EXTL1: variants seen among roughly 807,000 people sequenced by gnomAD.
EXTL1 encodes exostosin-like 1.
EXTL1 carries 43 observed loss-of-function variants against 64.6 expected under a neutral mutation model. The ratio of observed to expected loss-of-function variants is 0.67; its 90% CI spans 0.52 to 0.86. The LOEUF (loss-of-function observed/expected upper bound fraction) is 0.86, where lower values mean the gene tolerates loss of function less well. Ranked by LOEUF, EXTL1 falls within the 40% of genes least tolerant of loss-of-function variation. The probability of loss-of-function intolerance (pLI) is 0.00; values close to 1 mark genes in which losing one functional copy is unlikely to be tolerated. For missense variants in EXTL1, 766 were observed against 879.0 expected (o/e 0.87, Z 1.62); for synonymous variants, 352 against 360.5 (o/e 0.98, Z 0.27).
chr1:26,023,192 G>A lies in EXTL1; in HGVS notation c.546G>A (p.Glu182=). Reference sequence around the variant, plus strand: ...AGCTGGGACAGGCTATGGTGGCTGAGGCCAGCCCCACGGTGGACTCCTTCC... The same window carrying A: ...AGCTGGGACAGGCTATGGTGGCTGAAGCCAGCCCCACGGTGGACTCCTTCC... ...TFQLGQAMVA[E]ASPTVDSFRP... The change falls in exon 1 of 11, where the codon GAG becomes GAA. Residue 182 remains glutamate (E), a synonymous_variant. Coordinates refer to ENST00000374280, the MANE Select transcript of EXTL1 (RefSeq NM_004455.3). 1.2e-6 allele frequency: 2 copies of A among 1,613,644 alleles called. No individual in the cohort carries two copies. Among genetic ancestry groups the A allele is most frequent in the Non-Finnish European group, 1.7e-6 (2 of 1,179,828 alleles).
At chr1:26,032,328 C>A in intron 6 of EXTL1, 68 bp from the exon 7 acceptor site, 2 of 1,039,000 alleles carry the variant, frequency 1.9e-6, no homozygotes, top group Non-Finnish European at 2.9e-6. Flanking sequence ...AGAAAGATCA[C>A]TCCTGCCCCT....
chr1:26,034,503 A>G lies in EXTL1; in HGVS notation c.1680-333A>G, dbSNP rs549210758. On this transcript the variant is annotated intron_variant, in intron 9 of 10. Transcript: ENST00000374280. The surrounding 1 kb of genome is among the most constrained non-coding windows in gnomAD (Gnocchi z 4.6). ...GCGGTATCAGCCTGGTTCATCCACA[A>G]CTGTTCTTTGGGCTTCCATGTTTGA... Among the ~76,000 whole-genome samples the G allele has an allele frequency of 5.9e-5, 9 of 152,286 alleles. No homozygotes were observed. Among genetic ancestry groups the G allele is most frequent in the African/African-American group, 9.6e-5 (4 of 41,570 alleles).
intron 7 of EXTL1, 121 bp downstream of exon 7, chr1:26,032,606 G>A (rs937903284): frequency 9.0e-6 from 6 of 666,332 alleles, no homozygotes; most frequent in Non-Finnish European, 1.5e-5. Context: ...GAATGACACA[G>A]TAGGTTTCAG....
At position 26,033,559 on chromosome 1, in the gene EXTL1, T is replaced by C; in HGVS notation, c.1519-137T>C. The C allele has an allele frequency of 1.1e-6, 1 of 891,932 alleles. No individual in the cohort carries two copies. Among genetic ancestry groups the C allele is most frequent in the Non-Finnish European group, 1.8e-6 (1 of 563,214 alleles). The allele number at this position is 891,932 out of a possible 1,614,324, so 55.3% of individuals were successfully genotyped here. A position where few individuals can be genotyped will look rare whatever the true frequency, so the allele number is the denominator to read the frequency against. On this transcript the variant is annotated intron_variant, in intron 8 of 10. Transcript: ENST00000374280. The surrounding 1 kb of genome is among the most constrained non-coding windows in gnomAD (Gnocchi z 5.1). ...CTTTCATGCCACACTTCCAGCCAAT[T>C]CCAAGTCTTGGCTCCCGCGCCCTCT...
chr1:26,024,414 TC>T (rs1301455399), intron 1 of EXTL1, among the ~76,000 whole-genome samples: 15 of 152,218 alleles, frequency 9.9e-5, no homozygotes, highest in Non-Finnish European at 2.2e-4. Flanking sequence ...CCCTCAGGTC[TC>T]TCTCCCTATT....
Position 26,022,551 on chromosome 1 carries a change from G to A in EXTL1, c.-96G>A, listed in dbSNP as rs755303021. On this transcript the variant is annotated 5_prime_UTR_variant, in exon 1 of 11. Transcript: ENST00000374280. The stretch of plus-strand genomic sequence containing the variant: ...TACAATGACAGCACAGGACTAGCAG[G>A]TCGGTCCCAGCTCTGGTCTCCCGCC... 4 of 982,914 alleles carry A rather than the reference G, an allele frequency of 4.1e-6. No homozygotes were observed. The highest frequency in any genetic ancestry group is 6.2e-6 in the Non-Finnish European group (4 of 649,178). The allele number at this position is 982,914 out of a possible 1,614,324, so 60.9% of individuals were successfully genotyped here. A position where few individuals can be genotyped will look rare whatever the true frequency, so the allele number is the denominator to read the frequency against.
chr1:26,028,566 C>T (rs1302899294), intron 1 of EXTL1, among the ~76,000 whole-genome samples: 1 of 152,196 alleles, frequency 6.6e-6, no homozygotes, highest in Non-Finnish European at 1.5e-5. Flanking sequence ...TCCTGCCCTC[C>T]CCCACAGGCA....
At chr1:26,032,250 A>T (rs1347598172) in intron 6 of EXTL1, 146 bp from the exon 7 acceptor site, 2 of 509,882 alleles carry the variant, frequency 3.9e-6, no homozygotes, top group Admixed American at 7.7e-5. Flanking sequence ...TGAAAGGACC[A>T]TGGATCCAAC....
chr1:26,030,917 G>A (rs774625121), intron 4 of EXTL1, among the ~76,000 whole-genome samples: 1 of 152,162 alleles, frequency 6.6e-6, no homozygotes, highest in Non-Finnish European at 1.5e-5. Context: ...ACCCATTAGT[G>A]ACATCTGTCA....
chr1:26,035,108 G>A lies in EXTL1; in HGVS notation c.1849-57G>A. 1.9e-6 allele frequency: 3 copies of A among 1,590,582 alleles called. No homozygotes were observed. Among genetic ancestry groups the A allele is most frequent in the Non-Finnish European group, 2.6e-6 (3 of 1,164,136 alleles). ...TTCCAGTCTTTCTTGCTGCACGGGC[G>A]TGGGGAGTTCGGAAGGGCAGAGAAG... On this transcript the variant is annotated intron_variant, in intron 10 of 10. Coordinates refer to ENST00000374280, the MANE Select transcript of EXTL1 (RefSeq NM_004455.3). The surrounding 1 kb of genome is among the most constrained non-coding windows in gnomAD (Gnocchi z 5.3).
chr1:26,030,475 G>A lies in EXTL1; in HGVS notation c.982-1G>A. 6.2e-7 allele frequency: 1 copy of A among 1,609,692 alleles called. No homozygotes were observed. Among genetic ancestry groups the A allele is most frequent in the South Asian group, 1.1e-5 (1 of 90,886 alleles). On this transcript the variant is annotated splice_acceptor_variant, in intron 3 of 10. Transcript: ENST00000374280. LOFTEE classifies it high-confidence loss of function. ...GGCACTTTTCTCCCTCTCTGCTCCAGGTCCTGGCTGCCCTCCAGGAGATGT... is the reference window on the plus strand; with the variant it reads ...GGCACTTTTCTCCCTCTCTGCTCCAAGTCCTGGCTGCCCTCCAGGAGATGT...
At position 26,033,060 on chromosome 1, in the gene EXTL1, A is replaced by G. The variant is rs1438913011; in HGVS notation, c.1432-169A>G. Among the ~76,000 whole-genome samples, 1 of 152,120 alleles carries G rather than the reference A, an allele frequency of 6.6e-6. No individual in the cohort carries two copies. Among genetic ancestry groups the G allele is most frequent in the Non-Finnish European group, 1.5e-5 (1 of 68,014 alleles). On this transcript the variant is annotated intron_variant, in intron 7 of 10. Transcript: ENST00000374280. This position sits in a 1 kb window ranked among gnomAD's most constrained non-coding sequence, Gnocchi z 5.1. The stretch of plus-strand genomic sequence containing the variant: ...AATGAGTTGCCCAGGTCCCAAAACG[A>G]GCTCTGCACAGGCTTGCCATATTTG...
Position 26,025,749 on chromosome 1 carries a change from TC to T in EXTL1, c.779+2326del. Among the ~76,000 whole-genome samples, 1 of 152,218 alleles carries T rather than the reference TC, an allele frequency of 6.6e-6. No homozygotes were observed. The highest frequency in any genetic ancestry group is 1.5e-5 in the Non-Finnish European group (1 of 68,030). On this transcript the variant is annotated intron_variant, in intron 1 of 10. Transcript: ENST00000374280. This position sits in a 1 kb window ranked among gnomAD's most constrained non-coding sequence, Gnocchi z 5.3. ...TCCCTGTCTCTCGGCCACCCGGTTT[TC>T]CTGCCTGGAGCCAAACACTGCTTCC...
intron 6 of EXTL1, 168 bp from the exon 7 acceptor site, chr1:26,032,228 A>G (rs1026507452): frequency 6.8e-6 from 4 of 584,172 alleles, no homozygotes; most frequent in African/African-American, 5.7e-5. Flanking sequence ...AGAGGCAAGG[A>G]CAGAGCAGCG....
intron 6 of EXTL1, 70 bp downstream of exon 6, chr1:26,031,636 A>C: frequency 1.1e-6 from 1 of 915,218 alleles, no homozygotes. Flanking sequence ...GGCCCTGATG[A>C]CTTCCAGACC....
Position 26,029,627 on chromosome 1 carries a change from C to G in EXTL1, c.901C>G (p.Pro301Ala). ...QAGCIPVLLS[P>A]RWELPFSEVI... Reference sequence around the variant, plus strand: ...CGGCTGCATCCCAGTGCTTCTCAGCCCCCGCTGGGAGCTGCCCTTCTCCGA... The same window carrying G: ...CGGCTGCATCCCAGTGCTTCTCAGCGCCCGCTGGGAGCTGCCCTTCTCCGA... The change falls in exon 3 of 11, where the codon CCC becomes GCC. Residue 301 changes from proline to alanine, a missense_variant. Coordinates refer to ENST00000374280, the MANE Select transcript of EXTL1 (RefSeq NM_004455.3). 1 of 1,610,546 alleles carries G rather than the reference C, an allele frequency of 6.2e-7. No individual in the cohort carries two copies. Among genetic ancestry groups the G allele is most frequent in the Non-Finnish European group, 8.5e-7 (1 of 1,179,134 alleles).
At chr1:26,032,276 G>A (rs1044008193) in intron 6 of EXTL1, 120 bp from the exon 7 acceptor site, 1 of 664,684 alleles carries the variant, frequency 1.5e-6, no homozygotes. Context: ...CTTCTCCCAT[G>A]TGCAGTTTAC....
chr1:26,035,623 G>A lies in EXTL1; in HGVS notation c.*276G>A. On this transcript the variant is annotated 3_prime_UTR_variant, in exon 11 of 11. Transcript: ENST00000374280. The surrounding 1 kb of genome is among the most constrained non-coding windows in gnomAD (Gnocchi z 5.3). ...AGCTAACTTCTGCTCGTCTTTCAGA[G>A]CATTGTCTCCTCCAGGGACTTGCCT... 2.5e-6 allele frequency: 1 copy of A among 395,316 alleles called. No individual in the cohort carries two copies. The highest frequency in any genetic ancestry group is 4.6e-6 in the Non-Finnish European group (1 of 219,202). The allele number at this position is 395,316 out of a possible 1,614,324, so 24.5% of individuals were successfully genotyped here. A position where few individuals can be genotyped will look rare whatever the true frequency, so the allele number is the denominator to read the frequency against.
chr1:26,032,859 A>G (rs2050302706), intron 7 of EXTL1, among the ~76,000 whole-genome samples: 1 of 152,186 alleles, frequency 6.6e-6, no homozygotes, highest in South Asian at 2.1e-4. Flanking sequence ...GGTTGTGGGC[A>G]AGTCCCTTCG....
Sources: allele counts gnomAD v4.1 joint callset (sites outside exome capture counted in the v4.1 genomes callset), GRCh38; gene constraint gnomAD v4.1.1; non-coding constraint Gnocchi (gnomAD v3.1); transcripts MANE v1.5; gene names NCBI Gene and HGNC (gene_info 2026-07-23, HGNC 2026-07-21).